Variants in LRMDA observed in about 807,000 individuals in gnomAD.
LRMDA encodes the protein leucine-rich melanocyte differentiation-associated protein.
LRMDA carries 18 observed loss-of-function variants against 29.8 expected under a neutral mutation model. That is an observed-to-expected ratio of 0.60 (90% CI 0.42 to 0.90). The LOEUF (loss-of-function observed/expected upper bound fraction) is 0.90, where lower values mean the gene tolerates loss of function less well. Ranked by LOEUF, LRMDA falls within the 40% of genes least tolerant of loss-of-function variation. The probability of loss-of-function intolerance (pLI) is 0.00; values close to 1 mark genes in which losing one functional copy is unlikely to be tolerated. For synonymous variants in LRMDA, 125 were observed against 109.4 expected (o/e 1.14, Z -0.89); for missense variants, 273 against 273.9 (o/e 1.00, Z 0.02).
intron 5 of LRMDA, among the ~76,000 whole-genome samples, chr10:76,078,780 GAGCT>G (rs1346011041): frequency 6.6e-6 from 1 of 152,176 alleles, no homozygotes; most frequent in East Asian, 1.9e-4. Context: ...AGCTTGCAGT[GAGCT>G]GAGATCGCGC....
Position 76,150,081 on chromosome 10 carries a change from G to A in LRMDA, c.516+91298G>A, listed in dbSNP as rs150230662. 3.9e-5 allele frequency among the ~76,000 whole-genome samples: 6 copies of A among 152,310 alleles called. No individual in the cohort carries two copies. The East Asian group carries it at 1.2e-3, about 29-fold the overall frequency. On this transcript the variant is annotated intron_variant, in intron 5 of 6. Coordinates refer to ENST00000611255, the MANE Select transcript of LRMDA (RefSeq NM_001305581.2). ...ACACTGGGCTACTGCTGTCTCCTTG[G>A]GGGGAAGTTTCCTCTTAGAACTAAC... is the stretch of plus-strand genomic sequence containing the variant.
intron 2 of LRMDA, among the ~76,000 whole-genome samples, chr10:75,936,224 A>G (rs1489153375): frequency 2.6e-5 from 4 of 152,102 alleles, no homozygotes; most frequent in African/African-American, 9.7e-5. Context: ...AAAAATGTGC[A>G]TATGTGGATA....
chr10:75,938,338 TG>T (rs899516245), intron 2 of LRMDA, among the ~76,000 whole-genome samples: 1 of 152,194 alleles, frequency 6.6e-6, no homozygotes, highest in African/African-American at 2.4e-5. Context: ...TAGCCTAGCC[TG>T]AGAGAGGAGC....
At chr10:76,291,145 A>T (rs1335200636) in intron 5 of LRMDA, among the ~76,000 whole-genome samples, 2 of 152,120 alleles carry the variant, frequency 1.3e-5, no homozygotes, top group Non-Finnish European at 2.9e-5. Context: ...ATGAATCTGA[A>T]GTTTTTCTCT....
chr10:76,304,724 G>T (rs1452864162), intron 5 of LRMDA, among the ~76,000 whole-genome samples: 1 of 152,232 alleles, frequency 6.6e-6, no homozygotes, highest in Non-Finnish European at 1.5e-5. Flanking sequence ...GGCCACCCAG[G>T]TGGAGTAGGG....
At chr10:75,509,333 A>T (rs1379283582) in intron 2 of LRMDA, among the ~76,000 whole-genome samples, 3 of 152,244 alleles carry the variant, frequency 2.0e-5, no homozygotes, top group African/African-American at 7.2e-5. Flanking sequence ...AAAAGAAAAA[A>T]ATAAGCAAAT....
intron 2 of LRMDA, among the ~76,000 whole-genome samples, chr10:75,793,589 C>T (rs1205279740): frequency 2.0e-5 from 3 of 152,098 alleles, no homozygotes; most frequent in Non-Finnish European, 2.9e-5. Flanking sequence ...TTTTCTGGTC[C>T]CCTTGTGTGA....
chr10:76,532,263 G>A (rs1843242427), intron 6 of LRMDA, among the ~76,000 whole-genome samples: 1 of 152,106 alleles, frequency 6.6e-6, no homozygotes, highest in Admixed American at 6.5e-5. Flanking sequence ...ACTTATGAGT[G>A]AGAACATGCA....
Position 75,513,155 on chromosome 10 carries a change from C to A in LRMDA, c.131+74661C>A, listed in dbSNP as rs1193998554. On this transcript the variant is annotated intron_variant, in intron 2 of 6. Transcript: ENST00000611255. ...TCTGACTTGAAGGTGCTGTGAAATG[C>A]TTTGTGGCAGATGTGAAAAATTTGT... Among the ~76,000 whole-genome samples the A allele has an allele frequency of 5.3e-5, 8 of 152,256 alleles. No homozygotes were observed. In the East Asian group the frequency reaches 1.5e-3, roughly 29 times the overall value.
chr10:75,651,611 A>G (rs1452856708), intron 2 of LRMDA, among the ~76,000 whole-genome samples: 1 of 152,176 alleles, frequency 6.6e-6, no homozygotes, highest in Non-Finnish European at 1.5e-5. Flanking sequence ...AAGCTGTGTT[A>G]GAAGAGGGAA....
intron 6 of LRMDA, among the ~76,000 whole-genome samples, chr10:76,355,870 G>C (rs1841233749): frequency 6.6e-6 from 1 of 152,176 alleles, no homozygotes; most frequent in Non-Finnish European, 1.5e-5. Flanking sequence ...CCCACATTCA[G>C]GGCTATAAGT....
chr10:76,117,139 A>T, intron 5 of LRMDA, among the ~76,000 whole-genome samples: 1 of 152,204 alleles, frequency 6.6e-6, no homozygotes, highest in South Asian at 2.1e-4. Flanking sequence ...TATCCATACC[A>T]ACAGTGCTCG....
At chr10:75,706,226 A>G (rs1368077141) in intron 2 of LRMDA, among the ~76,000 whole-genome samples, 2 of 150,090 alleles carry the variant, frequency 1.3e-5, no homozygotes, top group African/African-American at 2.5e-5. Flanking sequence ...ACTATGGACT[A>G]TATAGTTTTC....
chr10:76,221,862 C>A (rs1248315943), intron 5 of LRMDA, among the ~76,000 whole-genome samples: 4 of 152,008 alleles, frequency 2.6e-5, no homozygotes, highest in African/African-American at 9.7e-5. Flanking sequence ...TACCTGACTT[C>A]AAACTATACT....
At chr10:75,611,114 A>G (rs936466021) in intron 2 of LRMDA, among the ~76,000 whole-genome samples, 4 of 152,122 alleles carry the variant, frequency 2.6e-5, no homozygotes, top group Non-Finnish European at 5.9e-5. Context: ...GAGAGGGGCA[A>G]GGACCCCTAG....
intron 5 of LRMDA, among the ~76,000 whole-genome samples, chr10:76,230,363 A>G (rs1852035503): frequency 6.6e-6 from 1 of 152,168 alleles, no homozygotes; most frequent in African/African-American, 2.4e-5. Context: ...ATGCTGGGAG[A>G]ATATACTTTT....
At chr10:75,880,294 A>G (rs947730770) in intron 2 of LRMDA, among the ~76,000 whole-genome samples, 27 of 152,218 alleles carry the variant, frequency 1.8e-4, no homozygotes, top group African/African-American at 6.3e-4. Context: ...GAAGGAATAT[A>G]TTAGAAACTG....
intron 5 of LRMDA, among the ~76,000 whole-genome samples, chr10:76,272,421 C>CA (rs1429739838): frequency 6.6e-6 from 1 of 152,128 alleles, no homozygotes; most frequent in Admixed American, 6.6e-5. Flanking sequence ...TGAGGAGAAA[C>CA]AGTGACCCAG....
intron 2 of LRMDA, among the ~76,000 whole-genome samples, chr10:75,816,594 T>A (rs995107490): frequency 3.3e-5 from 5 of 152,244 alleles, no homozygotes; most frequent in Non-Finnish European, 5.9e-5. Flanking sequence ...ATTTTGCTCC[T>A]TTGTTCTAAT....
Sources: gnomAD v4.1 joint callset for allele counts (sites outside exome capture counted in the v4.1 genomes callset) on GRCh38, gnomAD v4.1.1 for gene constraint, MANE v1.5 for transcripts, NCBI Gene and HGNC (gene_info 2026-07-23, HGNC 2026-07-21) for gene names.